Variants in FANCD2 observed in about 807,000 individuals in gnomAD.
FANCD2 encodes FA complementation group D2, also known as Fanconi anemia group D2 protein.
FANCD2 carries 131 observed loss-of-function variants against 192.3 expected under a neutral mutation model. That is an observed-to-expected ratio of 0.68 (90% CI 0.59 to 0.79). The LOEUF (loss-of-function observed/expected upper bound fraction) is 0.79. Ranked by LOEUF, FANCD2 falls within the 30% of genes least tolerant of loss-of-function variation. FANCD2 has a pLI of 0.00. For synonymous variants in FANCD2, 524 were observed against 612.5 expected (o/e 0.86, Z 2.13); for missense variants, 1,508 against 1,701.6 (o/e 0.89, Z 2.00).
intron 32 of FANCD2, among the ~76,000 whole-genome samples, chr3:10,084,469 T>G (rs61077902): frequency 0.21 from 31,639 of 151,706 alleles, 4,011 homozygotes; most frequent in African/African-American, 0.36. Flanking sequence ...TTTCCTTTTT[T>G]TTTTCTTTGG....
chr3:10,060,081 C>T (rs1402545934), intron 18 of FANCD2, among the ~76,000 whole-genome samples: 1 of 150,518 alleles, frequency 6.6e-6, no homozygotes, highest in Non-Finnish European at 1.5e-5. Flanking sequence ...GCAGGAGAAT[C>T]GTTTGAACCT....
Position 10,063,832 on chromosome 3 carries a change from A to C in FANCD2, c.1868A>C (p.Gln623Pro), listed in dbSNP as rs36070315. Residue 623 changes from glutamine to proline, a missense_variant, in exon 21 of 44, where the codon CAG becomes CCG. By Grantham distance (76) the Gln-to-Pro change is moderately conservative. Coordinates refer to ENST00000675286, the MANE Select transcript of FANCD2 (RefSeq NM_001018115.3). ...CAGTTGGTTCATTCCTGCAGTGAGCAGTCTCCTCAGGCCTCTGCACTTTAC... is the reference window on the plus strand; with the variant it reads ...CAGTTGGTTCATTCCTGCAGTGAGCCGTCTCCTCAGGCCTCTGCACTTTAC... ...LLQLVHSCSE[Q>P]SPQASALYYD... 4.1e-3 allele frequency: 6,617 copies of C among 1,614,084 alleles called. 141 individuals are homozygous for C. The African/African-American group carries it at 0.078, about 19-fold the overall frequency.
In FANCD2 at chr3:10,081,237, C is replaced by G. The variant is rs1693816981; in HGVS notation, c.3105+9C>G. The G allele has an allele frequency of 6.2e-7, 1 of 1,613,948 alleles. No individual in the cohort carries two copies. The highest frequency in any genetic ancestry group is 8.5e-7 in the Non-Finnish European group (1 of 1,180,030). On this transcript the variant is annotated intron_variant, in intron 31 of 43. Coordinates refer to ENST00000675286, the MANE Select transcript of FANCD2 (RefSeq NM_001018115.3). ...TTCACAACTATTTTCAGGTCAGAAG[C>G]CTAGACTTAGAAGCTGCTAAGCAAA...
chr3:10,077,872 TA>T (rs1291205116), intron 29 of FANCD2, among the ~76,000 whole-genome samples: 15 of 146,970 alleles, frequency 1.0e-4, no homozygotes, highest in Non-Finnish European at 1.4e-4. Flanking sequence ...TCTTATTAAT[TA>T]AAAAAAAAAA....
At chr3:10,033,258 G>A (rs1188287274) in intron 3 of FANCD2, among the ~76,000 whole-genome samples, 1 of 152,058 alleles carries the variant, frequency 6.6e-6, no homozygotes, top group Non-Finnish European at 1.5e-5. Flanking sequence ...AAAATTAGCC[G>A]GGCATGGTGG....
At position 10,064,358 on chromosome 3, in the gene FANCD2, A is replaced by C. The variant is rs2087653847; in HGVS notation, c.1950A>C (p.Glu650Asp). The change falls in exon 22 of 44, where the codon GAA becomes GAC. Residue 650 changes from glutamate (E) to aspartate (D), a missense_variant and splice_region_variant. Around this residue, in one of 5 missense-constraint regions of FANCD2, gnomAD observed 59 missense variants for 111.9 expected, o/e 0.53. Coordinates refer to ENST00000675286, the MANE Select transcript of FANCD2 (RefSeq NM_001018115.3). The part of the protein sequence containing the change: ...QHEKLDPKAL[E>D]WVGHTICNDF... The stretch of plus-strand genomic sequence containing the variant: ...TTTTGTTTGTTTGCTTCCTGAAGGA[A>C]TGGGTTGGGCATACCATCTGTAATG... 2.5e-6 allele frequency: 4 copies of C among 1,601,554 alleles called. No homozygotes were observed. In the East Asian group the frequency reaches 6.7e-5, roughly 27 times the overall value.
In FANCD2 at chr3:10,060,338, A is replaced by C; in HGVS notation, c.1701A>C (p.Val567=). Residue 567 remains valine (V), a synonymous_variant, in exon 19 of 44, where the codon GTA becomes GTC. Coordinates refer to ENST00000675286, the MANE Select transcript of FANCD2 (RefSeq NM_001018115.3). ...LVIRKQLSST[V]FKYKLIGIIG... Reference sequence around the variant, plus strand: ...TAAGAAAGCAGCTCTCTAGCACCGTATTCAAGTACAAGCTCATTGGGATTA... The same window carrying C: ...TAAGAAAGCAGCTCTCTAGCACCGTCTTCAAGTACAAGCTCATTGGGATTA... 6.2e-7 allele frequency: 1 copy of C among 1,613,424 alleles called. No individual in the cohort carries two copies.
intron 7 of FANCD2, 45 bp from the exon 8 acceptor site, chr3:10,039,234 G>T (rs1349232575): frequency 1.4e-6 from 2 of 1,417,012 alleles, no homozygotes; most frequent in East Asian, 2.3e-5. Flanking sequence ...CTGTTATTTT[G>T]ACCAGAAAGG....
At chr3:10,078,322 C>A in intron 30 of FANCD2, 125 bp downstream of exon 30, 2 of 733,652 alleles carry the variant, frequency 2.7e-6, no homozygotes, top group Non-Finnish European at 5.1e-6. Context: ...TGGGTGCAGC[C>A]GTATTGCCAG....
chr3:10,039,463 C>A, intron 8 of FANCD2, 106 bp downstream of exon 8: 3 of 1,047,688 alleles, frequency 2.9e-6, no homozygotes, highest in South Asian at 1.5e-5. Flanking sequence ...ACTTTTCCAT[C>A]CATCCATTAG....
At chr3:10,031,352 A>G (rs1559368735) in intron 2 of FANCD2, among the ~76,000 whole-genome samples, 1 of 152,040 alleles carries the variant, frequency 6.6e-6, no homozygotes, top group Admixed American at 6.6e-5. Context: ...AAATACAAAA[A>G]ATTAGCCGGG....
At chr3:10,030,464 G>A (rs2086565257) in intron 2 of FANCD2, among the ~76,000 whole-genome samples, 1 of 152,116 alleles carries the variant, frequency 6.6e-6, no homozygotes, top group African/African-American at 2.4e-5. Context: ...GGATTGAAGA[G>A]TTATTTCTTA....
chr3:10,067,058 TC>T (rs1252038432), intron 25 of FANCD2, 150 bp from the exon 26 acceptor site: 2 of 629,660 alleles, frequency 3.2e-6, no homozygotes, highest in Non-Finnish European at 5.7e-6. Context: ...AGATTTTTTT[TC>T]TGTATACCAC....
At chr3:10,028,747 T>C (rs1223774479) in intron 2 of FANCD2, 26 bp downstream of exon 2, 1 of 1,589,492 alleles carries the variant, frequency 6.3e-7, no homozygotes, top group East Asian at 2.2e-5. Context: ...TTTGTTGCTT[T>C]ATTTCCTGTA....
chr3:10,067,036 A>G (rs1457237626), intron 25 of FANCD2, among the ~76,000 whole-genome samples, 173 bp from the exon 26 acceptor site: 1 of 152,044 alleles, frequency 6.6e-6, no homozygotes, highest in Non-Finnish European at 1.5e-5. Flanking sequence ...AATCTCCTAT[A>G]TTTTGGGCCA....
rs1273519317 is a variant in FANCD2 at position 10,088,832 on chromosome 3, T to C, written c.3565T>C (p.Tyr1189His). 1 of 1,614,094 alleles carries C rather than the reference T, an allele frequency of 6.2e-7. No homozygotes were observed. Among genetic ancestry groups the C allele is most frequent in the African/African-American group, 1.3e-5 (1 of 75,062 alleles). Residue 1189 changes from tyrosine (Y) to histidine (H), a missense_variant, in exon 36 of 44, where the codon TAC (tyrosine) becomes CAC (histidine). By Grantham distance (83) the Tyr-to-His change is moderately conservative. Coordinates refer to ENST00000675286, the MANE Select transcript of FANCD2 (RefSeq NM_001018115.3). ...NDQLHALLCI[Y>H]LEHTESILKA... is the part of the protein sequence containing the mutation. Reference sequence around the variant, plus strand: ...AATATTTGACTCTCAATGCAGTATCTACCTGGAGCACACAGAGAGCATTCT... The same window carrying C: ...AATATTTGACTCTCAATGCAGTATCCACCTGGAGCACACAGAGAGCATTCT...
chr3:10,078,515 T>C (rs889046350), intron 30 of FANCD2, among the ~76,000 whole-genome samples: 1 of 152,034 alleles, frequency 6.6e-6, no homozygotes, highest in South Asian at 2.1e-4. Context: ...CCACCACGCC[T>C]GGCTAATTTT....
rs1029178487 is a variant in FANCD2 at position 10,028,647 on chromosome 3, C to T, written c.-11C>T. 2.5e-6 allele frequency: 4 copies of T among 1,613,236 alleles called. No individual in the cohort carries two copies. The African/African-American group carries it at 5.3e-5, about 22-fold the overall frequency. Reference sequence around the variant, plus strand: ...TAGGAAGTAATTTAAGTGCACAAGACATTGGTCAAAATGGTTTCCAAAAGA... The same window carrying T: ...TAGGAAGTAATTTAAGTGCACAAGATATTGGTCAAAATGGTTTCCAAAAGA... On this transcript the variant is annotated 5_prime_UTR_variant, in exon 2 of 44. Coordinates refer to ENST00000675286, the MANE Select transcript of FANCD2 (RefSeq NM_001018115.3).
chr3:10,055,287 CCAAA>C (rs1321404943), intron 18 of FANCD2, among the ~76,000 whole-genome samples: 2 of 151,994 alleles, frequency 1.3e-5, no homozygotes, highest in Non-Finnish European at 2.9e-5. Context: ...CCTGATCATC[CCAAA>C]CAAACTTTGT....
Sources: allele counts gnomAD v4.1 joint callset (sites outside exome capture counted in the v4.1 genomes callset), GRCh38; gene constraint gnomAD v4.1.1; regional missense constraint gnomAD v4.1.1; transcripts MANE v1.5; gene names NCBI Gene and HGNC (gene_info 2026-07-23, HGNC 2026-07-21).